The following PXYLP1 variants were observed in gnomAD, a reference collection of about 807,000 sequenced individuals.
PXYLP1 encodes the protein 2-phosphoxylose phosphatase 1, also known as acid phosphatase-like 2.
In PXYLP1, 17 loss-of-function variants were observed where a neutral mutation model predicts 37.9. That is an observed-to-expected ratio of 0.45 (90% CI 0.31 to 0.67). The LOEUF (loss-of-function observed/expected upper bound fraction) is 0.67, where lower values mean the gene tolerates loss of function less well. PXYLP1 is among the 30% of genes least tolerant of loss of function. PXYLP1 has a pLI of 0.07. For missense variants in PXYLP1, 511 were observed against 612.0 expected (o/e 0.84, Z 1.74); for synonymous variants, 221 against 232.2 (o/e 0.95, Z 0.44).
chr3:141,247,370 T>C (rs1940984905), intron 1 of PXYLP1, among the ~76,000 whole-genome samples: 1 of 152,238 alleles, frequency 6.6e-6, no homozygotes, highest in Non-Finnish European at 1.5e-5. Context: ...ACAGTCCTTC[T>C]TGGAAAACAA....
At chr3:141,270,269 T>C (rs1941628086) in intron 2 of PXYLP1, among the ~76,000 whole-genome samples, 3 of 152,242 alleles carry the variant, frequency 2.0e-5, no homozygotes. Flanking sequence ...GATTCAACTG[T>C]TTGATCAATC....
chr3:141,242,314 T>TGGGGCCC (rs963722123), intron 1 of PXYLP1, among the ~76,000 whole-genome samples: 2 of 152,082 alleles, frequency 1.3e-5, no homozygotes, highest in African/African-American at 4.8e-5. Flanking sequence ...GTCCTCTCCA[T>TGGGGCCC]GGGGCCCGCT....
At chr3:141,283,961 C>T (rs1044797897) in intron 4 of PXYLP1, among the ~76,000 whole-genome samples, 2 of 151,884 alleles carry the variant, frequency 1.3e-5, no homozygotes, top group Non-Finnish European at 2.9e-5. Flanking sequence ...AAGATAGTAA[C>T]ACTTTTGATT....
intron 1 of PXYLP1, among the ~76,000 whole-genome samples, chr3:141,246,783 T>C (rs1268352538): frequency 6.6e-6 from 1 of 152,234 alleles, no homozygotes; most frequent in East Asian, 1.9e-4. Context: ...TTCCCAAACT[T>C]GGTGCCTTAA....
At chr3:141,267,311 A>C (rs4683398) in intron 2 of PXYLP1, 127,869 of 152,078 alleles carry the variant, frequency 0.84, 54,312 homozygotes, top group African/African-American at 0.96. Context: ...CTTAGAATGC[A>C]CAGGGTCTAA....
intron 1 of PXYLP1, among the ~76,000 whole-genome samples, chr3:141,256,570 A>C (rs1941267913): frequency 6.6e-6 from 1 of 151,820 alleles, no homozygotes; most frequent in Admixed American, 6.6e-5. Flanking sequence ...ACACACCCCT[A>C]CTCCTTGGGG....
chr3:141,252,798 C>T (rs1362444342), intron 1 of PXYLP1, among the ~76,000 whole-genome samples: 2 of 152,212 alleles, frequency 1.3e-5, no homozygotes, highest in Non-Finnish European at 2.9e-5. Flanking sequence ...CCCCTCACCA[C>T]CCTAGGGTAG....
chr3:141,246,369 A>G (rs200565546), intron 1 of PXYLP1, among the ~76,000 whole-genome samples: 1 of 152,208 alleles, frequency 6.6e-6, no homozygotes, highest in Non-Finnish European at 1.5e-5. Flanking sequence ...TGATTACATA[A>G]TGAATAGTGC....
In PXYLP1 at chr3:141,292,782, G is replaced by A; in HGVS notation, c.1020G>A (p.Leu340=). 2 of 1,613,394 alleles carry A rather than the reference G, an allele frequency of 1.2e-6. No homozygotes were observed. The highest frequency in any genetic ancestry group is 1.7e-6 in the Non-Finnish European group (2 of 1,179,656). Residue 340 remains leucine (L), a synonymous_variant, in exon 6 of 6, where the codon TTG becomes TTA. Transcript: ENST00000286353. This position sits in a 1 kb window ranked among gnomAD's most constrained non-coding sequence, Gnocchi z 4.3. The stretch of plus-strand genomic sequence containing the variant: ...AAAGGGAAAGACGGGAGAAGAAATT[G>A]TACTTCGGGTATTCTCTCCTGGGTG... ...EDERERREKK[L]YFGYSLLGAH...
At chr3:141,269,594 G>A (rs940500395) in intron 2 of PXYLP1, among the ~76,000 whole-genome samples, 1 of 152,098 alleles carries the variant, frequency 6.6e-6, no homozygotes, top group Admixed American at 6.5e-5. Flanking sequence ...TGTCCCATGG[G>A]GTTTCAGGGG....
chr3:141,253,496 C>T (rs113250922), intron 1 of PXYLP1, among the ~76,000 whole-genome samples: 6,256 of 152,224 alleles, frequency 0.041, 175 homozygotes, highest in Middle Eastern at 0.099. Context: ...CACAGATGCA[C>T]CAACACCAAT....
intron 1 of PXYLP1, among the ~76,000 whole-genome samples, chr3:141,251,712 T>G (rs968340788): frequency 2.0e-5 from 3 of 152,230 alleles, no homozygotes; most frequent in Admixed American, 2.0e-4. Context: ...TGGAGCCTTT[T>G]GCCCCTCGGA....
intron 1 of PXYLP1, among the ~76,000 whole-genome samples, chr3:141,238,236 T>C (rs928402925): frequency 2.0e-5 from 3 of 152,232 alleles, no homozygotes; most frequent in Admixed American, 1.3e-4. Context: ...AGAAACTATG[T>C]TGACGGGCAT....
At chr3:141,279,232 G>T (rs1941883586) in intron 3 of PXYLP1, 146 bp from the exon 4 acceptor site, 2 of 913,750 alleles carry the variant, frequency 2.2e-6, no homozygotes, top group Non-Finnish European at 3.4e-6. Context: ...CCCCTTCACT[G>T]TGGTGGCTCT....
intron 1 of PXYLP1, among the ~76,000 whole-genome samples, chr3:141,247,101 A>G (rs1940977847): frequency 6.6e-6 from 1 of 152,232 alleles, no homozygotes; most frequent in South Asian, 2.1e-4. Context: ...CTTGGGGAGC[A>G]GGAGTGATGC....
At chr3:141,255,411 T>C (rs1357705868) in intron 1 of PXYLP1, among the ~76,000 whole-genome samples, 1 of 152,258 alleles carries the variant, frequency 6.6e-6, no homozygotes, top group East Asian at 1.9e-4. Flanking sequence ...TTGGATTTGG[T>C]CATGATGCCA....
rs142856483 is a variant in PXYLP1 at position 141,279,122 on chromosome 3, G to A, written c.239-256G>A. On this transcript the variant is annotated intron_variant, in intron 3 of 5. Transcript: ENST00000286353. ...CATGCCCGCATTTCACCAGCCTCCC[G>A]TTGTTTCCAGGAGGTCTGGGACATA... is the stretch of plus-strand genomic sequence containing the variant. Among the ~76,000 whole-genome samples the A allele has an allele frequency of 7.2e-5, 11 of 152,288 alleles. 1 individual carries two copies. Among genetic ancestry groups the A allele is most frequent in the Admixed American group, 3.3e-4 (5 of 15,298 alleles).
At position 141,271,410 on chromosome 3, in the gene PXYLP1, GT is replaced by G. The variant is rs1245274976; in HGVS notation, c.80-6931del. ...GTCCCCTAAGGAAGTGACTAGCCCA[GT>G]GTTGAAGTCCCAAAAAGGGCAAGGC... On this transcript the variant is annotated intron_variant, in intron 2 of 5. Transcript: ENST00000286353. Among the ~76,000 whole-genome samples the G allele has an allele frequency of 2.6e-5, 4 of 152,342 alleles. No individual in the cohort carries two copies. In the East Asian group the frequency reaches 7.7e-4, roughly 29 times the overall value.
Position 141,254,379 on chromosome 3 carries a change from A to ACT in PXYLP1, c.-53-5744_-53-5743insCT, listed in dbSNP as rs138977199. On this transcript the variant is annotated intron_variant, in intron 1 of 5. Transcript: ENST00000286353. ...GCCTGGCACTTACTGGCTCTCAGGA[A>ACT]ATGTTATTTTGAATTGACTGACTGA... is the stretch of plus-strand genomic sequence containing the variant. Among the ~76,000 whole-genome samples, 584 of 152,312 alleles carry ACT rather than the reference A, an allele frequency of 3.8e-3. 6 individuals carry two copies. The highest frequency in any genetic ancestry group is 0.013 in the African/African-American group (547 of 41,574).
Sources: gnomAD v4.1 joint callset for allele counts (sites outside exome capture counted in the v4.1 genomes callset) on GRCh38, gnomAD v4.1.1 for gene constraint, Gnocchi (gnomAD v3.1) non-coding constraint, MANE v1.5 for transcripts, NCBI Gene and HGNC (gene_info 2026-07-23, HGNC 2026-07-21) for gene names.